Variants in ANO2 observed in about 807,000 individuals in gnomAD.
ANO2 encodes the protein anoctamin-2.
A neutral mutation model predicts 124.2 loss-of-function variants in ANO2; 101 were observed. That is an observed-to-expected ratio of 0.81 (90% confidence interval 0.69 to 0.96). ANO2 has a LOEUF of 0.96. Among genes scored for constraint, ANO2 ranks in the 40% least tolerant of loss-of-function variants. The pLI is 0.00. For missense variants in ANO2, 1,293 were observed against 1,274.5 expected, an observed-to-expected ratio of 1.01 and a Z score of -0.22; for synonymous variants, 486 against 482.5, an observed-to-expected ratio of 1.01 and a Z score of -0.09.
At chr12:5,666,020 C>G (rs1947697237) in intron 14 of ANO2, among the ~76,000 whole-genome samples, 1 of 152,068 alleles carries the variant, frequency 6.6e-6, no homozygotes, top group African/African-American at 2.4e-5. Flanking sequence ...AAGAGCTTGC[C>G]CTCTCCTTGG....
intron 7 of ANO2, among the ~76,000 whole-genome samples, chr12:5,809,196 AC>A (rs1482202636): frequency 6.6e-6 from 1 of 152,102 alleles, no homozygotes; most frequent in Admixed American, 6.5e-5. Flanking sequence ...GACTCACAAG[AC>A]TACAATTTCA....
intron 13 of ANO2, among the ~76,000 whole-genome samples, chr12:5,736,061 G>A (rs1591543504): frequency 6.6e-6 from 1 of 152,216 alleles, no homozygotes; most frequent in South Asian, 2.1e-4. Context: ...ATAAAACTCT[G>A]GAGGTCTGAC....
At chr12:5,651,934 G>A (rs405541) in intron 14 of ANO2, among the ~76,000 whole-genome samples, 63,956 of 152,086 alleles carry the variant, frequency 0.42, 15,554 homozygotes, top group African/African-American at 0.66. Flanking sequence ...TAGTTTGTTC[G>A]TTTTTATTGC....
intron 16 of ANO2, among the ~76,000 whole-genome samples, chr12:5,622,194 C>G (rs971884214): frequency 1.3e-5 from 2 of 152,186 alleles, no homozygotes; most frequent in Non-Finnish European, 2.9e-5. Context: ...CCCCTTTGAA[C>G]TGTGTGTCCT....
At chr12:5,622,901 T>C (rs1468825073) in intron 16 of ANO2, among the ~76,000 whole-genome samples, 1 of 149,844 alleles carries the variant, frequency 6.7e-6, no homozygotes, top group Admixed American at 6.6e-5. Context: ...GAGGCAGAGG[T>C]TGCAGTGAGC....
chr12:5,746,075 T>C (rs1951257966), intron 11 of ANO2, among the ~76,000 whole-genome samples: 1 of 152,214 alleles, frequency 6.6e-6, no homozygotes, highest in Admixed American at 6.5e-5. Context: ...TCTTCAAGTA[T>C]ATGTGTTAGG....
intron 7 of ANO2, among the ~76,000 whole-genome samples, chr12:5,825,201 T>C (rs1018512943): frequency 6.6e-6 from 1 of 152,198 alleles, no homozygotes; most frequent in Non-Finnish European, 1.5e-5. Context: ...CTCATGGAAT[T>C]CACTGGTCTT....
chr12:5,926,964 T>C (rs757588690), intron 1 of ANO2, among the ~76,000 whole-genome samples: 4 of 152,220 alleles, frequency 2.6e-5, no homozygotes, highest in African/African-American at 4.8e-5. Flanking sequence ...GAGAAAAGAT[T>C]AACATTCCTT....
chr12:5,826,949 G>A (rs953206551), intron 7 of ANO2, among the ~76,000 whole-genome samples: 2 of 152,188 alleles, frequency 1.3e-5, no homozygotes, highest in East Asian at 3.8e-4. Context: ...GCATTCTGAA[G>A]GCAGCTCTCC....
At chr12:5,805,094 A>G (rs1450360582) in intron 9 of ANO2, among the ~76,000 whole-genome samples, 1 of 152,128 alleles carries the variant, frequency 6.6e-6, no homozygotes, top group Non-Finnish European at 1.5e-5. Context: ...TCGCAATACT[A>G]CAGCAGATTC....
At chr12:5,830,047 C>T (rs958918687) in intron 6 of ANO2, among the ~76,000 whole-genome samples, 2 of 152,206 alleles carry the variant, frequency 1.3e-5, no homozygotes, top group African/African-American at 4.8e-5. Context: ...CTAACGCTAA[C>T]GATCCTTGTT....
chr12:5,587,656 C>T (rs1294327117), intron 20 of ANO2, among the ~76,000 whole-genome samples: 1 of 152,066 alleles, frequency 6.6e-6, no homozygotes, highest in Non-Finnish European at 1.5e-5. Flanking sequence ...TTCCTAAAGT[C>T]CTTCTTAGTA....
At chr12:5,916,724 T>TA (rs767550531) in intron 3 of ANO2, among the ~76,000 whole-genome samples, 125 of 97,674 alleles carry the variant, frequency 1.3e-3, no homozygotes, top group Middle Eastern at 4.9e-3. Context: ...TTTTTTAATT[T>TA]AAAAAAAAAA....
chr12:5,839,030 A>C (rs1298046858), intron 4 of ANO2, among the ~76,000 whole-genome samples: 1 of 152,108 alleles, frequency 6.6e-6, no homozygotes, highest in Admixed American at 6.5e-5. Context: ...CAACCAAAAC[A>C]CCCAAACAAA....
intron 16 of ANO2, among the ~76,000 whole-genome samples, chr12:5,616,742 A>G (rs1944828369): frequency 6.6e-6 from 1 of 152,174 alleles, no homozygotes; most frequent in African/African-American, 2.4e-5. Context: ...TGTTTCTTCC[A>G]AGGAATACCC....
intron 14 of ANO2, among the ~76,000 whole-genome samples, chr12:5,710,975 G>A (rs907392688): frequency 2.6e-5 from 4 of 151,872 alleles, no homozygotes; most frequent in Admixed American, 6.6e-5. Flanking sequence ...TGGCTAACAC[G>A]GTGAAACCCC....
intron 3 of ANO2, among the ~76,000 whole-genome samples, chr12:5,915,180 C>T (rs1941308412): frequency 3.9e-5 from 6 of 152,186 alleles, no homozygotes; most frequent in Admixed American, 3.9e-4. Flanking sequence ...CACCCATAAG[C>T]ATCTCCAACG....
intron 14 of ANO2, among the ~76,000 whole-genome samples, chr12:5,721,210 C>T (rs950759112): frequency 2.6e-5 from 4 of 152,126 alleles, no homozygotes; most frequent in African/African-American, 9.7e-5. Flanking sequence ...CACACGTGTG[C>T]ACAAACATGC....
chr12:5,838,104 C>T (rs1321767566), intron 4 of ANO2, among the ~76,000 whole-genome samples: 3 of 152,306 alleles, frequency 2.0e-5, no homozygotes, highest in South Asian at 2.1e-4. Flanking sequence ...CTCTGGCAGA[C>T]GTTCAGCTGA....
Sources: gnomAD v4.1 joint callset for allele counts (sites outside exome capture counted in the v4.1 genomes callset) on GRCh38, gnomAD v4.1.1 for gene constraint, MANE v1.5 for transcripts, NCBI Gene and HGNC (gene_info 2026-07-23, HGNC 2026-07-21) for gene names.